Variants in MYO18A observed in about 807,000 individuals in gnomAD.
MYO18A encodes unconventional myosin-XVIIIa.
MYO18A carries 78 observed loss-of-function variants against 235.8 expected under a neutral mutation model. The observed-to-expected ratio is 0.33, with a 90% CI of 0.28 to 0.40. The LOEUF (loss-of-function observed/expected upper bound fraction) is 0.40, where lower values mean the gene tolerates loss of function less well. Among genes scored for constraint, MYO18A ranks in the 10% least tolerant of loss-of-function variants. The probability of loss-of-function intolerance (pLI) is 1.00; values close to 1 mark genes in which losing one functional copy is unlikely to be tolerated. For missense variants in MYO18A, 2,215 were observed against 2,699.3 expected (o/e 0.82, Z 3.98); for synonymous variants, 977 against 1,077.8 (o/e 0.91, Z 1.83).
At chr17:29,148,791 G>A (rs1240221789) in intron 2 of MYO18A, among the ~76,000 whole-genome samples, 1 of 152,172 alleles carries the variant, frequency 6.6e-6, no homozygotes, top group Non-Finnish European at 1.5e-5. Flanking sequence ...AGGAGAAGGA[G>A]GGCTGAGAGG....
chr17:29,074,039 C>T lies in MYO18A; in HGVS notation c.*731G>A, dbSNP rs1327836834. On this transcript the variant is annotated 3_prime_UTR_variant, in exon 42 of 42. Coordinates refer to ENST00000527372, the MANE Select transcript of MYO18A (RefSeq NM_078471.4). This position sits in a 1 kb window ranked among gnomAD's most constrained non-coding sequence, Gnocchi z 4.4. ...GGGGGCTGGAGGTGCGGATGGTCCA[C>T]ACACACACTTGTCTGCGTAGGCTTG... is the stretch of plus-strand genomic sequence containing the variant. 1.5e-5 allele frequency: 24 copies of T among 1,613,920 alleles called. No homozygotes were observed. Among genetic ancestry groups the T allele is most frequent in the Non-Finnish European group, 1.9e-5 (23 of 1,180,012 alleles).
Position 29,098,843 on chromosome 17 carries a change from G to T in MYO18A, c.3763C>A (p.Gln1255Lys). Residue 1255 changes from glutamine (Q) to lysine (K), a missense_variant, in exon 23 of 42, where the codon CAG becomes AAG. Coordinates refer to ENST00000527372, the MANE Select transcript of MYO18A (RefSeq NM_078471.4). ...TCACATACGTCTTTGTTCCGGATCTGCTCCTCTGACAGCTGTACTTCGATG... is the reference window on the plus strand; with the variant it reads ...TCACATACGTCTTTGTTCCGGATCTTCTCCTCTGACAGCTGTACTTCGATG... ...PLIEVQLSEE[Q>K]IRNKDEEIQQ... 1.2e-6 allele frequency: 2 copies of T among 1,613,986 alleles called. No homozygotes were observed.
intron 2 of MYO18A, among the ~76,000 whole-genome samples, chr17:29,163,200 T>C (rs1452256067): frequency 6.6e-6 from 1 of 152,116 alleles, no homozygotes; most frequent in Non-Finnish European, 1.5e-5. Flanking sequence ...TAACTGGGAT[T>C]AGAACTGCTG....
chr17:29,104,449 A>C (rs993454849), intron 20 of MYO18A, among the ~76,000 whole-genome samples: 1 of 152,166 alleles, frequency 6.6e-6, no homozygotes, highest in Non-Finnish European at 1.5e-5. Context: ...TCCCCAAAGT[A>C]GGGAATATAA....
At chr17:29,138,795 C>G (rs183290760) in intron 2 of MYO18A, among the ~76,000 whole-genome samples, 2 of 152,218 alleles carry the variant, frequency 1.3e-5, no homozygotes, top group Admixed American at 1.3e-4. Flanking sequence ...CGAGAGCCCT[C>G]CACTGCTCAC....
chr17:29,159,788 G>GCTTCCC (rs1157881826), intron 2 of MYO18A, among the ~76,000 whole-genome samples: 1 of 152,186 alleles, frequency 6.6e-6, no homozygotes, highest in Non-Finnish European at 1.5e-5. Context: ...GGGGTCTAGG[G>GCTTCCC]CTTCCCCTAC....
chr17:29,170,592 T>A (rs1381376787), intron 1 of MYO18A, among the ~76,000 whole-genome samples: 2 of 152,218 alleles, frequency 1.3e-5, no homozygotes, highest in African/African-American at 4.8e-5. Flanking sequence ...GGTAACCTTA[T>A]AATTTTCCTG....
intron 2 of MYO18A, among the ~76,000 whole-genome samples, chr17:29,130,216 C>T (rs2067429159): frequency 7.2e-6 from 1 of 139,096 alleles, no homozygotes; most frequent in Non-Finnish European, 1.5e-5. Flanking sequence ...GGGAGGATGG[C>T]TTGAGCCTGG....
At chr17:29,127,866 C>T in intron 2 of MYO18A, 1 of 989,168 alleles carries the variant, frequency 1.0e-6, no homozygotes, top group Non-Finnish European at 1.2e-6. Context: ...TGCTTCACAC[C>T]AGGGACTGGT....
chr17:29,127,770 T>G (rs2067359303), intron 2 of MYO18A: 21 of 846,902 alleles, frequency 2.5e-5, no homozygotes, highest in Non-Finnish European at 3.0e-5. Context: ...CTGAGGTCGC[T>G]TGGGGAAGCC....
chr17:29,123,633 C>T (rs1567613273), intron 2 of MYO18A, among the ~76,000 whole-genome samples: 1 of 152,232 alleles, frequency 6.6e-6, no homozygotes, highest in Non-Finnish European at 1.5e-5. Flanking sequence ...TCCCAGATCT[C>T]CGGGTTTCAT....
intron 21 of MYO18A, among the ~76,000 whole-genome samples, chr17:29,100,990 C>T (rs538427145): frequency 6.6e-6 from 1 of 152,276 alleles, no homozygotes; most frequent in Admixed American, 6.5e-5. Context: ...TCTACCTGAG[C>T]CTCAATTTCT....
At chr17:29,160,802 C>T (rs1330933618) in intron 2 of MYO18A, among the ~76,000 whole-genome samples, 1 of 152,230 alleles carries the variant, frequency 6.6e-6, no homozygotes, top group Non-Finnish European at 1.5e-5. Flanking sequence ...ACACTAAAAC[C>T]TCCAACTAGC....
At chr17:29,150,401 G>A (rs757172765) in intron 2 of MYO18A, among the ~76,000 whole-genome samples, 32 of 152,234 alleles carry the variant, frequency 2.1e-4, no homozygotes, top group Non-Finnish European at 3.7e-4. Context: ...GAAAGGAAGC[G>A]CTGCCCCAGT....
At position 29,096,619 on chromosome 17, in the gene MYO18A, G is replaced by A. The variant is rs2066524054; in HGVS notation, c.4385+142C>T. On this transcript the variant is annotated intron_variant, in intron 28 of 41. Coordinates refer to ENST00000527372, the MANE Select transcript of MYO18A (RefSeq NM_078471.4). ...GGAGGTCAGGAGGGGGCCCCTTCAC[G>A]TTCCAAGATGAGTGACCAGGCAAGC... 1.3e-5 allele frequency: 15 copies of A among 1,115,914 alleles called. 1 individual carries two copies. Among genetic ancestry groups the A allele is most frequent in the Middle Eastern group, 6.3e-4 (2 of 3,182 alleles). 69.1% of individuals were successfully genotyped at this position (1,115,914 alleles called of 1,614,324 possible).
At chr17:29,097,696 G>T in intron 26 of MYO18A, 92 bp downstream of exon 26, 1 of 1,096,292 alleles carries the variant, frequency 9.1e-7, no homozygotes, top group Non-Finnish European at 1.3e-6. Flanking sequence ...ATGGAGGGGA[G>T]ACAGGCCTGG....
chr17:29,167,357 T>C (rs1484374223), intron 1 of MYO18A, among the ~76,000 whole-genome samples: 3 of 152,172 alleles, frequency 2.0e-5, no homozygotes, highest in Non-Finnish European at 4.4e-5. Flanking sequence ...GGAGGTAGTA[T>C]GTGGGAGACC....
intron 1 of MYO18A, among the ~76,000 whole-genome samples, chr17:29,167,529 C>T (rs1156687371): frequency 6.6e-6 from 1 of 151,968 alleles, no homozygotes; most frequent in African/African-American, 2.4e-5. Context: ...CTGGACAACA[C>T]AGTGAGACCC....
intron 2 of MYO18A, among the ~76,000 whole-genome samples, chr17:29,145,714 A>C (rs2152935833): frequency 6.6e-6 from 1 of 152,342 alleles, no homozygotes; most frequent in Admixed American, 6.5e-5. Flanking sequence ...TTTCAACTAA[A>C]TACTTCCTGA....
Sources: gnomAD v4.1 joint callset for allele counts (sites outside exome capture counted in the v4.1 genomes callset) on GRCh38, gnomAD v4.1.1 for gene constraint, Gnocchi (gnomAD v3.1) non-coding constraint, MANE v1.5 for transcripts, NCBI Gene and HGNC (gene_info 2026-07-23, HGNC 2026-07-21) for gene names.